Variants in CLUAP1 observed in about 807,000 individuals in gnomAD.
CLUAP1 encodes intraflagellar transport 38.
A neutral mutation model predicts 55.0 loss-of-function variants in CLUAP1; 50 were observed. The ratio of observed to expected loss-of-function variants is 0.91; its 90% CI spans 0.72 to 1.15. The LOEUF (loss-of-function observed/expected upper bound fraction) is 1.15, where lower values mean the gene tolerates loss of function less well. Among genes scored for constraint, CLUAP1 ranks in the 50% most tolerant of loss-of-function variants. The pLI, the probability that CLUAP1 is intolerant of heterozygous loss-of-function variation, is 0.00. For missense variants in CLUAP1, 530 were observed against 507.6 expected, an observed-to-expected ratio of 1.04 and a Z score of -0.42; for synonymous variants, 195 against 175.4, an observed-to-expected ratio of 1.11 and a Z score of -0.88.
intron 5 of CLUAP1, among the ~76,000 whole-genome samples, chr16:3,513,393 C>T (rs756062986): frequency 6.6e-6 from 1 of 152,186 alleles, no homozygotes; most frequent in Non-Finnish European, 1.5e-5. Flanking sequence ...AAGTATGTGC[C>T]ATCACCTACA....
chr16:3,529,467 AT>A (rs1376980583), intron 9 of CLUAP1, among the ~76,000 whole-genome samples: 5 of 80,902 alleles, frequency 6.2e-5, no homozygotes, highest in African/African-American at 1.9e-4. Flanking sequence ...TATATAATAT[AT>A]ATTATATTAT....
intron 1 of CLUAP1, among the ~76,000 whole-genome samples, chr16:3,503,429 C>T (rs2037446101): frequency 1.3e-5 from 2 of 152,214 alleles, no homozygotes; most frequent in African/African-American, 2.4e-5. Context: ...TCCCAGAGTG[C>T]TGGGATTACA....
chr16:3,527,327 A>G (rs1454496537), intron 9 of CLUAP1, among the ~76,000 whole-genome samples: 1 of 152,134 alleles, frequency 6.6e-6, no homozygotes, highest in African/African-American at 2.4e-5. Context: ...AACAGGCCAT[A>G]CAGATATAGG....
At chr16:3,501,454 C>G (rs1034932665) in intron 1 of CLUAP1, among the ~76,000 whole-genome samples, 1 of 152,220 alleles carries the variant, frequency 6.6e-6, no homozygotes, top group South Asian at 2.1e-4. Context: ...AGTTTAGAGA[C>G]TATTTTTTGA....
At chr16:3,496,521 A>C (rs1596377073), upstream of CLUAP1, 2 of 578,628 alleles carry the variant, frequency 3.5e-6, no homozygotes, top group Non-Finnish European at 3.3e-6. Context: ...GCTGCCCGTG[A>C]CCAGCCGGCC....
At chr16:3,503,688 C>T (rs1596381765) in intron 1 of CLUAP1, among the ~76,000 whole-genome samples, 2 of 152,146 alleles carry the variant, frequency 1.3e-5, no homozygotes, top group East Asian at 3.8e-4. Flanking sequence ...CCTCCTGGGC[C>T]CAGGTGATCG....
chr16:3,500,953 C>T (rs1404934116), upstream of CLUAP1: 3 of 1,148,860 alleles, frequency 2.6e-6, no homozygotes, highest in South Asian at 2.6e-5. Context: ...TTGTTTGTCC[C>T]TGACCGTGCG....
At chr16:3,495,484 CT>C in the CLUAP1 span, 1 of 1,581,590 alleles carries the variant, frequency 6.3e-7, no homozygotes, top group Admixed American at 1.8e-5. Flanking sequence ...CTGCTCTCCC[CT>C]GCCTAGGGGG....
At chr16:3,497,141 G>C (rs537829644), upstream of CLUAP1, among the ~76,000 whole-genome samples, 1 of 151,528 alleles carries the variant, frequency 6.6e-6, no homozygotes, top group African/African-American at 2.4e-5. Context: ...AAAGTGCTGG[G>C]ATTACAGGCA....
At position 3,536,245 on chromosome 16, in the gene CLUAP1, C is replaced by T; in HGVS notation, c.1216C>T (p.Leu406=). Residue 406 remains leucine, a synonymous_variant, in exon 12 of 12, where the codon CTG becomes TTG. Transcript: ENST00000576634. Reference sequence around the variant, plus strand: ...TCGAAGGGTCCGGAAATCTGAACCCCTGGATGAGAGTGACAATGACTTCTG... The same window carrying T: ...TCGAAGGGTCCGGAAATCTGAACCCTTGGATGAGAGTGACAATGACTTCTG... ...PNRRVRKSEP[L]DESDNDF is the part of the protein sequence containing the mutation. 6.2e-7 allele frequency: 1 copy of T among 1,614,128 alleles called. No individual in the cohort carries two copies. The highest frequency in any genetic ancestry group is 8.5e-7 in the Non-Finnish European group (1 of 1,180,020).
chr16:3,496,347 T>A, upstream of CLUAP1: 1 of 1,199,082 alleles, frequency 8.3e-7, no homozygotes, highest in Admixed American at 1.8e-5. Flanking sequence ...CAGGTTGTGC[T>A]GAAGAGGTTG....
intron 11 of CLUAP1, chr16:3,533,436 C>T (rs2151072154): frequency 2.1e-6 from 1 of 466,544 alleles, no homozygotes; most frequent in Admixed American, 3.3e-5. Context: ...TCAGGACCAA[C>T]CCCCCTCCCT....
Position 3,536,196 on chromosome 16 carries a change from TTC to T in CLUAP1, c.1174_1175del (p.Ser392ThrfsTer12). 1 of 1,614,110 alleles carries T rather than the reference TTC, an allele frequency of 6.2e-7. No homozygotes were observed. The highest frequency in any genetic ancestry group is 1.6e-4 in the Middle Eastern group (1 of 6,062). On this transcript the variant is annotated frameshift_variant, in exon 12 of 12. Transcript: ENST00000576634. LOFTEE classifies it high-confidence loss of function. ...ATGACGATTTGGAAGACGAGAGCAT[TTC>T]TCTCTCACCAACCAAGCCCAATCGA... ...EDDDLEDESI[S>X]LSPTKPNRRV...
At chr16:3,523,673 A>G (rs1255038885) in intron 8 of CLUAP1, among the ~76,000 whole-genome samples, 1 of 152,188 alleles carries the variant, frequency 6.6e-6, no homozygotes, top group African/African-American at 2.4e-5. Flanking sequence ...ACTGATCCCA[A>G]AAATTATGTA....
intron 5 of CLUAP1, among the ~76,000 whole-genome samples, chr16:3,513,270 C>G (rs1282808892): frequency 6.6e-6 from 1 of 152,150 alleles, no homozygotes; most frequent in East Asian, 1.9e-4. Flanking sequence ...CCGGGTGATT[C>G]TAACAGCAGT....
In CLUAP1 at chr16:3,530,569, T is replaced by A. The variant is rs1373117341; in HGVS notation, c.930T>A (p.Ser310Arg). 3.7e-6 allele frequency: 6 copies of A among 1,612,922 alleles called. No homozygotes were observed. Among genetic ancestry groups the A allele is most frequent in the Non-Finnish European group, 5.1e-6 (6 of 1,179,056 alleles). ...EEEKRLLKSGSNDDSDIDIQE... is the reference protein window; with the variant it reads ...EEEKRLLKSGRNDDSDIDIQE... ...TTTGCCTGCTTGTGTTCCTGCTAGG[T>A]AACGATGACTCGGACATAGACATCC... is the stretch of plus-strand genomic sequence containing the variant. Residue 310 changes from serine (S) to arginine (R), a missense_variant and splice_region_variant, in exon 10 of 12, where the codon AGT becomes AGA. By Grantham distance (110) the Ser-to-Arg change is moderately radical (BLOSUM62 -1). Coordinates refer to ENST00000576634, the MANE Select transcript of CLUAP1 (RefSeq NM_015041.3).
At chr16:3,511,605 G>T (rs1173418803) in intron 4 of CLUAP1, among the ~76,000 whole-genome samples, 2 of 152,178 alleles carry the variant, frequency 1.3e-5, no homozygotes, top group Non-Finnish European at 2.9e-5. Context: ...TTGTGTGGCC[G>T]CTCTGCTGCC....
intron 11 of CLUAP1, chr16:3,534,284 C>T (rs1162843893): frequency 6.5e-6 from 1 of 152,720 alleles, no homozygotes; most frequent in East Asian, 1.9e-4. Flanking sequence ...AGTGAAGGCC[C>T]CTGACGTGGT....
chr16:3,524,466 G>A (rs540285173), intron 8 of CLUAP1, among the ~76,000 whole-genome samples: 12 of 150,100 alleles, frequency 8.0e-5, no homozygotes, highest in South Asian at 2.1e-4. Flanking sequence ...GTATGGTGGC[G>A]GGCACCTGTA....
Sources: gnomAD v4.1 joint callset for allele counts (sites outside exome capture counted in the v4.1 genomes callset) on GRCh38, gnomAD v4.1.1 for gene constraint, MANE v1.5 for transcripts, NCBI Gene and HGNC (gene_info 2026-07-23, HGNC 2026-07-21) for gene names.